The following KCNQ1 variants were observed in gnomAD, a reference collection of about 807,000 sequenced individuals.
KCNQ1 encodes potassium voltage-gated channel subfamily KQT member 1.
In KCNQ1, 49 loss-of-function variants were observed where a neutral mutation model predicts 72.4. That is an observed-to-expected ratio of 0.68 (90% CI 0.54 to 0.86). KCNQ1 has a LOEUF of 0.86. Among genes scored for constraint, KCNQ1 ranks in the 40% least tolerant of loss-of-function variants. The pLI is 0.00. For synonymous variants in KCNQ1, 450 were observed against 412.6 expected (o/e 1.09, Z -1.10); for missense variants, 790 against 945.1 (o/e 0.84, Z 2.15).
chr11:2,751,569 C>T (rs894465795), intron 11 of KCNQ1, among the ~76,000 whole-genome samples: 4 of 152,274 alleles, frequency 2.6e-5, no homozygotes, highest in African/African-American at 9.6e-5. Context: ...GGCACCATCC[C>T]GGCCAACAGG....
At position 2,627,732 on chromosome 11, in the gene KCNQ1, G is replaced by GAT; in HGVS notation, c.1394-34227_1394-34226dup. The GAT allele has an allele frequency of 2.5e-6, 1 of 398,056 alleles. No homozygotes were observed. The highest frequency in any genetic ancestry group is 4.4e-6 in the Non-Finnish European group (1 of 225,948). The allele number at this position is 398,056 out of a possible 1,614,324, so 24.7% of individuals were successfully genotyped here. ...TGATGTGTTTATTTGGGAATTTGGT[G>GAT]ATACACACACACACACTATTTTCTT... On this transcript the variant is annotated intron_variant, in intron 10 of 15. Coordinates refer to ENST00000155840, the MANE Select transcript of KCNQ1 (RefSeq NM_000218.3). The surrounding 1 kb of genome is among the most constrained non-coding windows in gnomAD (Gnocchi z 4.9).
intron 10 of KCNQ1, chr11:2,618,755 T>C (rs4930141): frequency 0.2 from 78,911 of 398,360 alleles, 8,903 homozygotes; most frequent in African/African-American, 0.36. Context: ...TTTTATTCAA[T>C]CTGTATATTG....
chr11:2,686,278 G>T, intron 11 of KCNQ1: 1 of 398,736 alleles, frequency 2.5e-6, no homozygotes, highest in South Asian at 1.3e-4. Flanking sequence ...TACTGCCACT[G>T]GCTTGGGAGG....
rs146070935 is a variant in KCNQ1, at chr11:2,470,521, C to G, written c.386+25037C>G. Among the ~76,000 whole-genome samples the G allele has an allele frequency of 3.9e-3, 590 of 152,166 alleles. 4 individuals are homozygous for G. Among genetic ancestry groups the G allele is most frequent in the African/African-American group, 0.014 (565 of 41,510 alleles). On this transcript the variant is annotated intron_variant, in intron 1 of 15. Coordinates refer to ENST00000155840, the MANE Select transcript of KCNQ1 (RefSeq NM_000218.3). ...TTTGTTCTGTGCCTGGGAAGGAAGA[C>G]AAGCCGGCGTCTTATGAAAAGGCTG...
chr11:2,677,558 T>A lies in KCNQ1; in HGVS notation c.1514+15477T>A, dbSNP rs2133876196. On this transcript the variant is annotated intron_variant, in intron 11 of 15. Transcript: ENST00000155840. This position sits in a 1 kb window ranked among gnomAD's most constrained non-coding sequence, Gnocchi z 4.5. ...AAGTATAAAAGATGCCCTCAGATGT[T>A]ACCATATAATGCTTTACAAAAGACA... The A allele has an allele frequency of 7.5e-6, 3 of 398,634 alleles. No individual in the cohort carries two copies. The highest frequency in any genetic ancestry group is 1.3e-3 in the Middle Eastern group (2 of 1,588). 24.7% of individuals were successfully genotyped at this position (398,634 alleles called of 1,614,324 possible). A position where few individuals can be genotyped will look rare whatever the true frequency, so the allele number is the denominator to read the frequency against.
Position 2,645,679 on chromosome 11 carries a change from T to C in KCNQ1, c.1394-16282T>C. On this transcript the variant is annotated intron_variant, in intron 10 of 15. Coordinates refer to ENST00000155840, the MANE Select transcript of KCNQ1 (RefSeq NM_000218.3). This position sits in a 1 kb window ranked among gnomAD's most constrained non-coding sequence, Gnocchi z 5.8. ...GTAGCAGAGTATTGCCAATGGCTCA[T>C]GCTTTGGCCTGGAGGGAGCAGTCAG... 1 of 398,742 alleles carries C rather than the reference T, an allele frequency of 2.5e-6. No homozygotes were observed. Among genetic ancestry groups the C allele is most frequent in the Non-Finnish European group, 4.4e-6 (1 of 226,166 alleles). 24.7% of individuals were successfully genotyped at this position (398,742 alleles called of 1,614,324 possible).
At position 2,809,399 on chromosome 11, in the gene KCNQ1, G is replaced by A. The variant is rs1031479841; in HGVS notation, c.1794+31362G>A. ...CCAGCGACGCTGCAACCCCGCCCCCGCAGCCTCCTGGTGCAGCACGTGTTC... is the reference window on the plus strand; with the variant it reads ...CCAGCGACGCTGCAACCCCGCCCCCACAGCCTCCTGGTGCAGCACGTGTTC... On this transcript the variant is annotated intron_variant, in intron 15 of 15. Transcript: ENST00000155840. This position sits in a 1 kb window ranked among gnomAD's most constrained non-coding sequence, Gnocchi z 7.1. Among the ~76,000 whole-genome samples the A allele has an allele frequency of 3.9e-5, 6 of 152,226 alleles. No homozygotes were observed. The highest frequency in any genetic ancestry group is 2.1e-4 in the South Asian group (1 of 4,822).
In KCNQ1 at chr11:2,538,464, C is replaced by A. The variant is rs1335455994; in HGVS notation, c.477+10446C>A. Among the ~76,000 whole-genome samples, 1 of 152,222 alleles carries A rather than the reference C, an allele frequency of 6.6e-6. No individual in the cohort carries two copies. The highest frequency in any genetic ancestry group is 2.4e-5 in the African/African-American group (1 of 41,458). The stretch of plus-strand genomic sequence containing the variant: ...GACATCATTTATGCCCCAGCCAGGT[C>A]CCCTGTCCCAGGACCGCGGTTGACA... On this transcript the variant is annotated intron_variant, in intron 2 of 15. Coordinates refer to ENST00000155840, the MANE Select transcript of KCNQ1 (RefSeq NM_000218.3). The surrounding 1 kb of genome is among the most constrained non-coding windows in gnomAD (Gnocchi z 6.7).
At chr11:2,638,180 T>A (rs896468542) in intron 10 of KCNQ1, 2 of 152,218 alleles carry the variant, frequency 1.3e-5, no homozygotes, top group East Asian at 3.8e-4. Flanking sequence ...CTATTTACAT[T>A]TAAGGTTAAT....
intron 2 of KCNQ1, among the ~76,000 whole-genome samples, chr11:2,540,914 C>A (rs547173554): frequency 6.6e-6 from 1 of 152,154 alleles, no homozygotes; most frequent in Non-Finnish European, 1.5e-5. Flanking sequence ...TAGTTGAAGT[C>A]GGGGGTTGAA....
chr11:2,741,217 G>A (rs922367052), intron 11 of KCNQ1, among the ~76,000 whole-genome samples: 8 of 152,164 alleles, frequency 5.3e-5, no homozygotes, highest in African/African-American at 1.7e-4. Flanking sequence ...GCCCCTATGA[G>A]CTGGAGGGAG....
chr11:2,753,807 T>C (rs1846260936), intron 11 of KCNQ1, among the ~76,000 whole-genome samples: 1 of 152,168 alleles, frequency 6.6e-6, no homozygotes, highest in Admixed American at 6.5e-5. Context: ...ACACACACAT[T>C]TGAGAAACTT....
Position 2,809,978 on chromosome 11 carries a change from G to A in KCNQ1, c.1794+31941G>A, listed in dbSNP as rs1461019104. ...CTTACTGATAAGAACTGTGTGGAAG[G>A]TAAGCATTCAAAGTTCTTACATGGT... On this transcript the variant is annotated intron_variant, in intron 15 of 15. Transcript: ENST00000155840. This position sits in a 1 kb window ranked among gnomAD's most constrained non-coding sequence, Gnocchi z 7.1. Among the ~76,000 whole-genome samples, 1 of 152,140 alleles carries A rather than the reference G, an allele frequency of 6.6e-6. No homozygotes were observed. Among genetic ancestry groups the A allele is most frequent in the African/African-American group, 2.4e-5 (1 of 41,428 alleles).
At chr11:2,487,733 A>G (rs1157870577) in intron 1 of KCNQ1, among the ~76,000 whole-genome samples, 1 of 152,176 alleles carries the variant, frequency 6.6e-6, no homozygotes, top group Non-Finnish European at 1.5e-5. Flanking sequence ...AACTTTGCTG[A>G]CTTCATTTAT....
rs903817572 is a variant in KCNQ1 at position 2,848,826 on chromosome 11, C to G, written c.*823C>G. ...CACCTCCCCTTGCCAGCTGCTGAGC[C>G]GCAGAGAAGTGACGGTTCCTACACA... is the stretch of plus-strand genomic sequence containing the variant. On this transcript the variant is annotated 3_prime_UTR_variant, in exon 16 of 16. Transcript: ENST00000155840. 2.2e-6 allele frequency: 1 copy of G among 454,154 alleles called. No individual in the cohort carries two copies. Among genetic ancestry groups the G allele is most frequent in the Non-Finnish European group, 4.4e-6 (1 of 226,800 alleles). 28.1% of individuals were successfully genotyped at this position (454,154 alleles called of 1,614,324 possible).
chr11:2,461,519 T>C (rs1846277705), intron 1 of KCNQ1: 6 of 1,333,212 alleles, frequency 4.5e-6, no homozygotes, highest in Non-Finnish European at 5.9e-6. Context: ...TGCACATGTG[T>C]GTGTCTGGAG....
At chr11:2,540,454 TC>T (rs746695981) in intron 2 of KCNQ1, among the ~76,000 whole-genome samples, 13 of 152,164 alleles carry the variant, frequency 8.5e-5, no homozygotes, top group Admixed American at 2.6e-4. Context: ...AGACAGCTCT[TC>T]CCACGAGATT....
intron 1 of KCNQ1, among the ~76,000 whole-genome samples, chr11:2,496,661 T>C (rs1846926708): frequency 6.6e-6 from 1 of 152,076 alleles, no homozygotes; most frequent in Non-Finnish European, 1.5e-5. Context: ...TGTCTTTTAA[T>C]TGGGGCATTT....
chr11:2,760,791 G>A (rs899832229), intron 11 of KCNQ1, among the ~76,000 whole-genome samples: 1 of 152,216 alleles, frequency 6.6e-6, no homozygotes, highest in African/African-American at 2.4e-5. Flanking sequence ...CCCCTTGCAG[G>A]ACATGTGACA....
Sources: gnomAD v4.1 joint callset for allele counts (sites outside exome capture counted in the v4.1 genomes callset) on GRCh38, gnomAD v4.1.1 for gene constraint, Gnocchi (gnomAD v3.1) non-coding constraint, MANE v1.5 for transcripts, NCBI Gene and HGNC (gene_info 2026-07-23, HGNC 2026-07-21) for gene names.